ANKRD22: variants seen among roughly 807,000 people sequenced by gnomAD.
The protein encoded by ANKRD22 is ankyrin repeat domain 22, also known as ankyrin repeat domain-containing protein 22.
A neutral mutation model predicts 25.7 loss-of-function variants in ANKRD22; 24 were observed. That is an observed-to-expected ratio of 0.93 (90% CI 0.68 to 1.31). ANKRD22 has a LOEUF of 1.31. ANKRD22 is among the 50% of genes most tolerant of loss of function. ANKRD22 has a pLI of 0.00. For synonymous variants in ANKRD22, 84 were observed against 84.3 expected (o/e 1.00, Z 0.02); for missense variants, 214 against 227.1 (o/e 0.94, Z 0.37).
At chr10:88,849,405 T>C (rs1274093758) in intron 1 of ANKRD22, among the ~76,000 whole-genome samples, 1 of 152,152 alleles carries the variant, frequency 6.6e-6, no homozygotes, top group Non-Finnish European at 1.5e-5. Flanking sequence ...AATTCTCTTA[T>C]GGAGCATGAC....
At chr10:88,831,608 A>G (rs1190610567) in intron 2 of ANKRD22, among the ~76,000 whole-genome samples, 1 of 152,200 alleles carries the variant, frequency 6.6e-6, no homozygotes, top group Non-Finnish European at 1.5e-5. Context: ...AGGTAAAAAG[A>G]CATAATTTAT....
chr10:88,831,195 G>A (rs1360443111), intron 2 of ANKRD22, among the ~76,000 whole-genome samples: 1 of 152,204 alleles, frequency 6.6e-6, no homozygotes, highest in Admixed American at 6.5e-5. Flanking sequence ...GCAAATGCTA[G>A]ATGTTCAGAA....
Position 88,820,174 on chromosome 10 carries a change from AT to A in ANKRD22, c.*2766del. 7.2e-7 allele frequency: 1 copy of A among 1,381,282 alleles called. No homozygotes were observed. The allele number at this position is 1,381,282 out of a possible 1,614,324, so 85.6% of individuals were successfully genotyped here. ...TTTATTATGTCTATTTGAAACATAAATTATGAGCCTGAAAGTCCAAATGTTA... is the reference window on the plus strand; with the variant it reads ...TTTATTATGTCTATTTGAAACATAAATATGAGCCTGAAAGTCCAAATGTTA... On this transcript the variant is annotated 3_prime_UTR_variant, in exon 6 of 6. Transcript: ENST00000371930.
chr10:88,833,096 G>A (rs1843922589), intron 1 of ANKRD22, among the ~76,000 whole-genome samples: 1 of 152,044 alleles, frequency 6.6e-6, no homozygotes, highest in Non-Finnish European at 1.5e-5. Flanking sequence ...ATGTATTTAG[G>A]GCTAGCATGA....
chr10:88,826,291 A>G (rs892995091), intron 3 of ANKRD22, among the ~76,000 whole-genome samples, 176 bp from the exon 4 acceptor site: 1 of 152,196 alleles, frequency 6.6e-6, no homozygotes, highest in Non-Finnish European at 1.5e-5. Context: ...AATTAAAGCC[A>G]GGTTCTCAGA....
intron 4 of ANKRD22, among the ~76,000 whole-genome samples, chr10:88,825,338 A>G (rs1843846031): frequency 1.3e-5 from 2 of 152,384 alleles, no homozygotes; most frequent in Non-Finnish European, 2.9e-5. Flanking sequence ...AGAAAGAAAG[A>G]TGAGTGCAAG....
rs760451952 is a variant in ANKRD22, at chr10:88,831,882, C to T, written c.166G>A (p.Val56Ile). ...GCATTTCTTCTTAAAAGGAAGGAAA[C>T]GATTCTCACATGCCCTCGCCTGCAA... is the stretch of plus-strand genomic sequence containing the variant. The part of the protein sequence containing the change: ...CACRRGHVRI[V>I]SFLLRRNANV... Residue 56 changes from valine to isoleucine, a missense_variant, in exon 2 of 6, where the codon GTT becomes ATT. By Grantham distance (29) the Val-to-Ile change is conservative (BLOSUM62 3). Coordinates refer to ENST00000371930, the MANE Select transcript of ANKRD22 (RefSeq NM_144590.3). The T allele has an allele frequency of 5.0e-6, 8 of 1,611,718 alleles. No homozygotes were observed. The highest frequency in any genetic ancestry group is 1.1e-5 in the South Asian group (1 of 90,664).
At chr10:88,851,298 C>G (rs998433230) in intron 1 of ANKRD22, among the ~76,000 whole-genome samples, 3 of 152,118 alleles carry the variant, frequency 2.0e-5, no homozygotes, top group African/African-American at 7.2e-5. Context: ...AACTCAAACT[C>G]GATTTTGTCC....
rs193036674 is a variant in ANKRD22 at position 88,823,189 on chromosome 10, G to A, written c.498+91C>T. On this transcript the variant is annotated intron_variant, in intron 5 of 5. Coordinates refer to ENST00000371930, the MANE Select transcript of ANKRD22 (RefSeq NM_144590.3). ...GATGATTAATTTTACTGTTGTTTAC[G>A]TCAGAGGCAAATAATTTACTTCAAC... 111 of 1,324,562 alleles carry A rather than the reference G, an allele frequency of 8.4e-5. No homozygotes were observed. The African/African-American group carries it at 1.3e-3, about 15-fold the overall frequency. 82.1% of individuals were successfully genotyped at this position (1,324,562 alleles called of 1,614,324 possible).
chr10:88,847,320 G>T (rs1311680915), intron 1 of ANKRD22, among the ~76,000 whole-genome samples: 2 of 152,040 alleles, frequency 1.3e-5, no homozygotes, highest in Non-Finnish European at 2.9e-5. Context: ...GTGCAGTGAT[G>T]TGATCTCAGC....
At position 88,821,909 on chromosome 10, in the gene ANKRD22, T is replaced by G. The variant is rs1029185497; in HGVS notation, c.*1032A>C. Among the ~76,000 whole-genome samples, 1 of 152,226 alleles carries G rather than the reference T, an allele frequency of 6.6e-6. No homozygotes were observed. Among genetic ancestry groups the G allele is most frequent in the African/African-American group, 2.4e-5 (1 of 41,474 alleles). ...TATTTTGATATTCGCAATCTCTCACTTAGACAAATAATCCAGATCCTACCT... is the reference window on the plus strand; with the variant it reads ...TATTTTGATATTCGCAATCTCTCACGTAGACAAATAATCCAGATCCTACCT... On this transcript the variant is annotated 3_prime_UTR_variant, in exon 6 of 6. Coordinates refer to ENST00000371930, the MANE Select transcript of ANKRD22 (RefSeq NM_144590.3).
In ANKRD22 at chr10:88,822,924, C is replaced by A; in HGVS notation, c.*17G>T. The A allele has an allele frequency of 1.9e-6, 3 of 1,592,670 alleles. No homozygotes were observed. Among genetic ancestry groups the A allele is most frequent in the Non-Finnish European group, 2.6e-6 (3 of 1,161,602 alleles). ...TCGTTAACTTTTTCTGTATCTCCAT[C>A]GGTGTGGTCACAAGGATTACAATGC... is the stretch of plus-strand genomic sequence containing the variant. On this transcript the variant is annotated 3_prime_UTR_variant, in exon 6 of 6. Coordinates refer to ENST00000371930, the MANE Select transcript of ANKRD22 (RefSeq NM_144590.3).
intron 4 of ANKRD22, among the ~76,000 whole-genome samples, chr10:88,825,005 T>TCACACACACACACACACA (rs1483035899): frequency 1.1e-5 from 1 of 92,268 alleles, no homozygotes; most frequent in East Asian, 3.8e-4. Flanking sequence ...TCTCTCTCTC[T>TCACACACACACACACACA]CTCTCTCACA....
chr10:88,827,588 G>C (rs1170774381), intron 3 of ANKRD22, among the ~76,000 whole-genome samples: 1 of 152,080 alleles, frequency 6.6e-6, no homozygotes, highest in Admixed American at 6.5e-5. Flanking sequence ...ATTCTTCGAG[G>C]ATATGAGCAG....
chr10:88,835,714 G>C (rs191608662), intron 1 of ANKRD22, among the ~76,000 whole-genome samples: 22 of 152,260 alleles, frequency 1.4e-4, no homozygotes, highest in African/African-American at 4.3e-4. Context: ...ATTGCTGATC[G>C]TGACATCATG....
At chr10:88,825,948 G>A in intron 4 of ANKRD22, 90 bp downstream of exon 4, 2 of 1,108,132 alleles carry the variant, frequency 1.8e-6, no homozygotes, top group South Asian at 1.5e-5. Context: ...AATTGTCTAG[G>A]AAAATAAAGC....
chr10:88,826,001 G>GAAAA, intron 4 of ANKRD22, 37 bp downstream of exon 4: 1 of 1,527,072 alleles, frequency 6.5e-7, no homozygotes, highest in Non-Finnish European at 9.0e-7. Flanking sequence ...ATACCATTTT[G>GAAAA]AATATTTTTT....
intron 1 of ANKRD22, among the ~76,000 whole-genome samples, chr10:88,843,839 T>G (rs1038917089): frequency 1.1e-4 from 16 of 152,114 alleles, no homozygotes; most frequent in African/African-American, 3.9e-4. Context: ...TAACCTACTA[T>G]ATTATTTTCT....
chr10:88,823,759 C>A (rs1273787262), intron 4 of ANKRD22, among the ~76,000 whole-genome samples: 1 of 140,180 alleles, frequency 7.1e-6, no homozygotes, highest in Admixed American at 8.0e-5. Flanking sequence ...ACCCGGGAGG[C>A]GGAGCTTGCA....
Sources: gnomAD v4.1 joint callset for allele counts (sites outside exome capture counted in the v4.1 genomes callset) on GRCh38, gnomAD v4.1.1 for gene constraint, MANE v1.5 for transcripts, NCBI Gene and HGNC (gene_info 2026-07-23, HGNC 2026-07-21) for gene names.